The following SNAP25 variants were observed in gnomAD, a reference collection of about 807,000 sequenced individuals.
SNAP25 encodes synaptosome associated protein 25.
Under a neutral mutation model 28.7 loss-of-function variants are expected in SNAP25, and 3 were observed. The observed-to-expected ratio is 0.10, with a 90% confidence interval of 0.05 to 0.27. SNAP25 has a LOEUF of 0.27. Ranked by LOEUF, SNAP25 falls within the 10% of genes least tolerant of loss-of-function variation. SNAP25 has a pLI of 1.00. For missense variants in SNAP25, 117 were observed against 278.7 expected (o/e 0.42, Z 4.13); for synonymous variants, 61 against 88.1 (o/e 0.69, Z 1.72).
chr20:10,305,686 A>C (rs1294197911), intron 7 of SNAP25, among the ~76,000 whole-genome samples: 5 of 152,142 alleles, frequency 3.3e-5, no homozygotes, highest in Non-Finnish European at 7.4e-5. Context: ...AGCCCCCAAG[A>C]TGTAATTTGT....
At chr20:10,226,607 A>C (rs140940456) in intron 1 of SNAP25, among the ~76,000 whole-genome samples, 1 of 152,256 alleles carries the variant, frequency 6.6e-6, no homozygotes, top group Non-Finnish European at 1.5e-5. Context: ...GATGCCTTTT[A>C]GAATCTAAGA....
chr20:10,275,860 G>A (rs1014054388), intron 2 of SNAP25, among the ~76,000 whole-genome samples: 1 of 152,156 alleles, frequency 6.6e-6, no homozygotes, highest in African/African-American at 2.4e-5. Flanking sequence ...GTGCTATGCT[G>A]GAGAAGGCTC....
At chr20:10,304,729 G>A (rs1455934112) in intron 7 of SNAP25, among the ~76,000 whole-genome samples, 1 of 151,996 alleles carries the variant, frequency 6.6e-6, no homozygotes, top group Non-Finnish European at 1.5e-5. Context: ...ACTTTGTATG[G>A]GTGCATGATG....
intron 1 of SNAP25, among the ~76,000 whole-genome samples, chr20:10,270,865 G>C (rs565055187): frequency 6.6e-6 from 1 of 152,294 alleles, no homozygotes; most frequent in South Asian, 2.1e-4. Flanking sequence ...ACCTTGTAAA[G>C]TGCTGATTTG....
chr20:10,304,987 C>T (rs2064321954), intron 7 of SNAP25, among the ~76,000 whole-genome samples: 1 of 152,106 alleles, frequency 6.6e-6, no homozygotes, highest in Admixed American at 6.6e-5. Flanking sequence ...AATACTTCAC[C>T]TTTACATTTC....
chr20:10,275,944 T>C (rs1188435711), intron 2 of SNAP25, among the ~76,000 whole-genome samples: 1 of 152,220 alleles, frequency 6.6e-6, no homozygotes, highest in Non-Finnish European at 1.5e-5. Context: ...TTATTAAAAC[T>C]GAATTACATA....
intron 1 of SNAP25, among the ~76,000 whole-genome samples, chr20:10,254,123 C>G (rs2063278107): frequency 6.6e-6 from 1 of 152,236 alleles, no homozygotes; most frequent in Non-Finnish European, 1.5e-5. Flanking sequence ...TTTTACCAGC[C>G]CATTGCATAG....
intron 7 of SNAP25, among the ~76,000 whole-genome samples, chr20:10,300,286 C>G (rs1014445028): frequency 1.3e-5 from 2 of 152,194 alleles, no homozygotes; most frequent in African/African-American, 4.8e-5. Context: ...TATTCTACAA[C>G]ACAGAACTCC....
At chr20:10,237,392 A>G (rs1484717985) in intron 1 of SNAP25, among the ~76,000 whole-genome samples, 1 of 152,180 alleles carries the variant, frequency 6.6e-6, no homozygotes, top group Non-Finnish European at 1.5e-5. Flanking sequence ...ATCCTAAGGC[A>G]ATGAGTCTTG....
chr20:10,245,354 C>A (rs78248992), intron 1 of SNAP25, among the ~76,000 whole-genome samples: 2,588 of 152,128 alleles, frequency 0.017, 84 homozygotes, highest in African/African-American at 0.058. Context: ...TGGAACTGAT[C>A]GCCGGTATAA....
intron 1 of SNAP25, among the ~76,000 whole-genome samples, chr20:10,264,918 C>CTTGTTTTTTTTTT (rs2063481460): frequency 8.5e-6 from 1 of 117,150 alleles, no homozygotes; most frequent in African/African-American, 3.4e-5. Context: ...TCAGACCATG[C>CTTGTTTTTTTTTT]TTTTTTTTTT....
chr20:10,239,058 A>T (rs892830176), intron 1 of SNAP25, among the ~76,000 whole-genome samples: 2 of 152,202 alleles, frequency 1.3e-5, no homozygotes, highest in African/African-American at 2.4e-5. Flanking sequence ...ACATAATGTG[A>T]CAGAGGTTGT....
intron 1 of SNAP25, among the ~76,000 whole-genome samples, chr20:10,235,962 A>G (rs6039782): frequency 0.14 from 21,738 of 152,240 alleles, 2,938 homozygotes; most frequent in African/African-American, 0.36. Flanking sequence ...AGTAAGTCAC[A>G]TGGCCAAGCA....
At chr20:10,277,585 AC>A (rs2063712428) in intron 2 of SNAP25, 99 bp from the exon 3 acceptor site, 1 of 969,600 alleles carries the variant, frequency 1.0e-6, no homozygotes, top group Admixed American at 2.1e-5. Flanking sequence ...TGTGACAGAG[AC>A]CCTTTGTGTT....
Position 10,299,524 on chromosome 20 carries a change from A to C in SNAP25, c.552+112A>C, listed in dbSNP as rs942512694. 9 of 1,053,634 alleles carry C rather than the reference A, an allele frequency of 8.5e-6. No individual in the cohort carries two copies. In the African/African-American group the frequency reaches 1.1e-4, roughly 13 times the overall value. 65.3% of individuals were successfully genotyped at this position (1,053,634 alleles called of 1,614,324 possible). On this transcript the variant is annotated intron_variant, in intron 7 of 7. Coordinates refer to ENST00000254976, the MANE Select transcript of SNAP25 (RefSeq NM_130811.4). ...AAAACACGACCTTGGATTCAGGCGC[A>C]CTGATAGCTGGAAATGTTCTTCATT...
chr20:10,288,825 T>A (rs1379462361), intron 4 of SNAP25, among the ~76,000 whole-genome samples: 1 of 151,254 alleles, frequency 6.6e-6, no homozygotes, highest in Non-Finnish European at 1.5e-5. Context: ...TTAGGACCTT[T>A]TTTTTTTTTT....
At chr20:10,303,688 G>T (rs148876278) in intron 7 of SNAP25, among the ~76,000 whole-genome samples, 1 of 152,238 alleles carries the variant, frequency 6.6e-6, no homozygotes, top group Non-Finnish European at 1.5e-5. Flanking sequence ...GTCAGGGAAG[G>T]ACAAAAGAAA....
intron 3 of SNAP25, chr20:10,277,927 C>T: frequency 1.9e-6 from 1 of 526,344 alleles, no homozygotes; most frequent in Non-Finnish European, 3.4e-6. Context: ...TCCTTCCCAG[C>T]CCAAGCCACC....
At chr20:10,227,368 A>C (rs1194739192) in intron 1 of SNAP25, among the ~76,000 whole-genome samples, 1 of 152,074 alleles carries the variant, frequency 6.6e-6, no homozygotes, top group African/African-American at 2.4e-5. Flanking sequence ...TGCCACACCC[A>C]TGTATGCAGG....
Sources: allele counts gnomAD v4.1 joint callset (sites outside exome capture counted in the v4.1 genomes callset), GRCh38; gene constraint gnomAD v4.1.1; transcripts MANE v1.5; gene names NCBI Gene and HGNC (gene_info 2026-07-23, HGNC 2026-07-21).